The following UBN2 variants were observed in gnomAD, a reference collection of about 807,000 sequenced individuals.
UBN2 encodes the protein ubinuclein 2.
UBN2 carries 35 observed loss-of-function variants against 120.2 expected under a neutral mutation model. The ratio of observed to expected loss-of-function variants is 0.29; its 90% CI spans 0.22 to 0.39. The LOEUF (loss-of-function observed/expected upper bound fraction) is 0.39, where lower values mean the gene tolerates loss of function less well. Among genes scored for constraint, UBN2 ranks in the 10% least tolerant of loss-of-function variants. The pLI is 1.00. For missense variants in UBN2, 1,693 were observed against 1,663.2 expected (o/e 1.02, Z -0.31); for synonymous variants, 661 against 648.7 (o/e 1.02, Z -0.29).
Position 139,284,028 on chromosome 7 carries a change from A to G in UBN2, c.3123A>G (p.Ala1041=). The change falls in exon 15 of 18, where the codon GCA becomes GCG. Residue 1041 remains alanine, a synonymous_variant. Coordinates refer to ENST00000473989, the MANE Select transcript of UBN2 (RefSeq NM_173569.4). ...TGGCTGCCTCCCCAAAACTTGCCGC[A>G]TCTCCCAAGCCTGCCACATCTCCTA... is the stretch of plus-strand genomic sequence containing the variant. ...FSMAASPKLA[A]SPKPATSPKP... 1.9e-6 allele frequency: 3 copies of G among 1,613,752 alleles called. No homozygotes were observed. Among genetic ancestry groups the G allele is most frequent in the South Asian group, 1.1e-5 (1 of 91,038 alleles).
At chr7:139,268,729 C>T (rs1049892537) in intron 7 of UBN2, among the ~76,000 whole-genome samples, 1 of 152,082 alleles carries the variant, frequency 6.6e-6, no homozygotes, top group Non-Finnish European at 1.5e-5. Flanking sequence ...GCCAGTGGGC[C>T]GAGGGGTAGT....
Position 139,293,293 on chromosome 7 carries a change from T to C in UBN2, c.3731T>C (p.Leu1244Ser). The C allele has an allele frequency of 6.2e-7, 1 of 1,614,262 alleles. No homozygotes were observed. The highest frequency in any genetic ancestry group is 8.5e-7 in the Non-Finnish European group (1 of 1,180,044). Reference sequence around the variant, plus strand: ...CCTCTGACTCTCATGACATCACCTTTGTCTGTAACAAATCAAAATGTGACT... The same window carrying C: ...CCTCTGACTCTCATGACATCACCTTCGTCTGTAACAAATCAAAATGTGACT... ...ASPLTLMTSPLSVTNQNVTPF... is the reference protein window; with the variant it reads ...ASPLTLMTSPSSVTNQNVTPF... Residue 1244 changes from leucine (L) to serine (S), a missense_variant, in exon 16 of 18, where the codon TTG becomes TCG. This residue lies in a region of UBN2 where 837 missense variants were observed against 817.6 expected (regional missense o/e 1.02). Transcript: ENST00000473989.
At chr7:139,316,102 AAAAAAG>A in the UBN2 span, among the ~76,000 whole-genome samples, 9 of 139,892 alleles carry the variant, frequency 6.4e-5, 3 homozygotes, top group African/African-American at 2.4e-4. Context: ...AAAAAAAAAA[AAAAAAG>A]GGGTTCCAGT....
At chr7:139,278,265 T>C (rs1797504859) in intron 12 of UBN2, among the ~76,000 whole-genome samples, 1 of 151,160 alleles carries the variant, frequency 6.6e-6, no homozygotes, top group Admixed American at 6.6e-5. Flanking sequence ...CGCTGCAACG[T>C]CCATCTCCCA....
Position 139,307,311 on chromosome 7 carries a change from G to A in UBN2, c.*9475G>A, listed in dbSNP as rs1798374638. Reference sequence around the variant, plus strand: ...AATAAGTGTGTGACTTAATATTTTGGGATTTTTTTTTCCTCCTTTAAAAAC... The same window carrying A: ...AATAAGTGTGTGACTTAATATTTTGAGATTTTTTTTTCCTCCTTTAAAAAC... On this transcript the variant is annotated 3_prime_UTR_variant, in exon 18 of 18. Transcript: ENST00000473989. 6.6e-6 allele frequency: 1 copy of A among 151,914 alleles called. No homozygotes were observed. The highest frequency in any genetic ancestry group is 2.1e-4 in the South Asian group (1 of 4,800). The allele number at this position is 151,914 out of a possible 1,614,324, so 9.4% of individuals were successfully genotyped here.
chr7:139,296,862 G>T (rs1481609644), intron 17 of UBN2, among the ~76,000 whole-genome samples: 1 of 152,082 alleles, frequency 6.6e-6, no homozygotes, highest in Non-Finnish European at 1.5e-5. Flanking sequence ...TGCATAGCCA[G>T]TGTACTCCAG....
intron 15 of UBN2, among the ~76,000 whole-genome samples, chr7:139,285,278 A>C (rs1368929341): frequency 1.3e-5 from 2 of 152,150 alleles, no homozygotes; most frequent in Non-Finnish European, 2.9e-5. Context: ...AGGCCAAGGC[A>C]GGAGGATCAC....
downstream of UBN2, chr7:139,308,311 G>C (rs773551075): frequency 2.6e-5 from 4 of 152,166 alleles, no homozygotes; most frequent in South Asian, 2.1e-4. Flanking sequence ...AGTATCTGCT[G>C]TCCATATCAC....
chr7:139,289,414 CTTT>C (rs1161484759), intron 15 of UBN2, among the ~76,000 whole-genome samples: 2 of 125,776 alleles, frequency 1.6e-5, no homozygotes, highest in Admixed American at 9.0e-5. Context: ...TTACATTTTG[CTTT>C]TTTTTTTTTT....
At chr7:139,261,825 A>G (rs1277150742) in intron 6 of UBN2, 84 bp downstream of exon 6, 3 of 1,361,826 alleles carry the variant, frequency 2.2e-6, no homozygotes, top group Admixed American at 2.5e-5. Context: ...TATTTTCCAC[A>G]TAACACTGGT....
At chr7:139,264,699 C>T (rs1287669497) in intron 6 of UBN2, among the ~76,000 whole-genome samples, 1 of 152,166 alleles carries the variant, frequency 6.6e-6, no homozygotes, top group African/African-American at 2.4e-5. Flanking sequence ...AGCAATTCTC[C>T]TGCCTCAGCC....
chr7:139,232,544 A>C (rs1227103194), intron 1 of UBN2, among the ~76,000 whole-genome samples: 2 of 152,210 alleles, frequency 1.3e-5, no homozygotes, highest in Non-Finnish European at 2.9e-5. Flanking sequence ...ATCCCACTTT[A>C]GGAATGGAGA....
rs1798275295 is a variant in UBN2, at chr7:139,302,191, ACAT to A, written c.*4359_*4361del. On this transcript the variant is annotated 3_prime_UTR_variant, in exon 18 of 18. Transcript: ENST00000473989. Reference sequence around the variant, plus strand: ...AGGAGGAAGAATCTCACACTTGTCAACATCATGTCATGCTGTGTAACCCTCTTC... The same window carrying A: ...AGGAGGAAGAATCTCACACTTGTCAACATGTCATGCTGTGTAACCCTCTTC... The A allele has an allele frequency of 6.6e-6, 1 of 152,188 alleles. No individual in the cohort carries two copies. Among genetic ancestry groups the A allele is most frequent in the Non-Finnish European group, 1.5e-5 (1 of 68,030 alleles). The allele number at this position is 152,188 out of a possible 1,614,324, so 9.4% of individuals were successfully genotyped here.
chr7:139,244,568 T>C (rs1327719485), intron 2 of UBN2, among the ~76,000 whole-genome samples: 1 of 152,092 alleles, frequency 6.6e-6, no homozygotes, highest in Non-Finnish European at 1.5e-5. Flanking sequence ...AAAAACAAAT[T>C]CAAATAATAC....
intron 15 of UBN2, among the ~76,000 whole-genome samples, chr7:139,290,271 C>T (rs773690363): frequency 6.6e-4 from 100 of 152,074 alleles, no homozygotes; most frequent in Non-Finnish European, 1.3e-3. Flanking sequence ...AGGATCTTTT[C>T]TTTCCCAGTT....
Position 139,283,352 on chromosome 7 carries a change from C to T in UBN2, c.2447C>T (p.Ala816Val), listed in dbSNP as rs778174206. The T allele has an allele frequency of 1.9e-6, 3 of 1,613,964 alleles. No homozygotes were observed. In the South Asian group the frequency reaches 3.3e-5, roughly 18 times the overall value. Reference protein sequence around the residue: ...LASIMSKLPLATPKKLDSTQT... With the variant: ...LASIMSKLPLVTPKKLDSTQT... Reference sequence around the variant, plus strand: ...AGTATCATGAGTAAGCTGCCACTAGCTACTCCCAAAAAACTAGATTCTACT... The same window carrying T: ...AGTATCATGAGTAAGCTGCCACTAGTTACTCCCAAAAAACTAGATTCTACT... Residue 816 changes from alanine to valine, a missense_variant, in exon 15 of 18, where the codon GCT becomes GTT. Coordinates refer to ENST00000473989, the MANE Select transcript of UBN2 (RefSeq NM_173569.4).
intron 17 of UBN2, among the ~76,000 whole-genome samples, chr7:139,296,543 T>C (rs1241316520): frequency 1.3e-5 from 2 of 152,230 alleles, no homozygotes; most frequent in Non-Finnish European, 2.9e-5. Context: ...TCATTTTTCT[T>C]GCTAAGGCCA....
the UBN2 span, among the ~76,000 whole-genome samples, chr7:139,321,302 G>A: frequency 2.6e-5 from 4 of 152,184 alleles, no homozygotes; most frequent in Admixed American, 1.3e-4. Context: ...TGTGCTGGAC[G>A]TTGCCCTTCT....
chr7:139,290,422 A>T (rs1458623722), intron 15 of UBN2, among the ~76,000 whole-genome samples: 1 of 152,232 alleles, frequency 6.6e-6, no homozygotes, highest in Non-Finnish European at 1.5e-5. Flanking sequence ...GAAGATTTGT[A>T]CTTAAGTGTA....
Sources: gnomAD v4.1 joint callset for allele counts (sites outside exome capture counted in the v4.1 genomes callset) on GRCh38, gnomAD v4.1.1 for gene constraint, gnomAD v4.1.1 regional missense constraint, MANE v1.5 for transcripts, NCBI Gene and HGNC (gene_info 2026-07-23, HGNC 2026-07-21) for gene names.